Variants in UVRAG observed in about 807,000 individuals in gnomAD.
UVRAG encodes the protein UV radiation resistance-associated gene protein.
In UVRAG, 19 loss-of-function variants were observed where a neutral mutation model predicts 78.0. The ratio of observed to expected loss-of-function variants is 0.24; its 90% CI spans 0.17 to 0.36. UVRAG has a LOEUF of 0.36. UVRAG is among the 10% of genes least tolerant of loss of function. The pLI is 1.00. For synonymous variants in UVRAG, 323 were observed against 324.6 expected, an observed-to-expected ratio of 1.00 and a Z score of 0.05; for missense variants, 740 against 853.8, an observed-to-expected ratio of 0.87 and a Z score of 1.66.
chr11:75,832,141 A>G (rs1017793691), intron 1 of UVRAG, among the ~76,000 whole-genome samples: 2 of 152,204 alleles, frequency 1.3e-5, no homozygotes, highest in Admixed American at 6.5e-5. Context: ...TCCACTTACA[A>G]CACTTCTGAC....
At chr11:75,827,235 CT>C (rs1338819600) in intron 1 of UVRAG, among the ~76,000 whole-genome samples, 1 of 150,694 alleles carries the variant, frequency 6.6e-6, no homozygotes, top group Non-Finnish European at 1.5e-5. Context: ...AAATTTTATA[CT>C]CTTTAACATG....
Position 75,825,111 on chromosome 11 carries a change from C to CT in UVRAG, c.117+9601dup, listed in dbSNP as rs112517783. 7.9e-3 allele frequency among the ~76,000 whole-genome samples: 1,119 copies of CT among 141,420 alleles called. 9 individuals carry two copies. Among genetic ancestry groups the CT allele is most frequent in the African/African-American group, 0.023 (886 of 38,732 alleles). The allele number at this position is 141,420 out of a possible 152,430, so 92.8% of individuals were successfully genotyped here. A position where few individuals can be genotyped will look rare whatever the true frequency, so the allele number is the denominator to read the frequency against. On this transcript the variant is annotated intron_variant, in intron 1 of 14. Coordinates refer to ENST00000356136, the MANE Select transcript of UVRAG (RefSeq NM_003369.4). ...TTAGGTTTAATGACATAAGTAATGT[C>CT]TTTTTTTTTTTTTTGAGACAGCGTT...
intron 9 of UVRAG, among the ~76,000 whole-genome samples, chr11:76,004,882 T>C (rs889988845): frequency 2.0e-5 from 3 of 152,176 alleles, no homozygotes; most frequent in Non-Finnish European, 4.4e-5. Flanking sequence ...TTTTAGTCGC[T>C]CTCCCAACAT....
At chr11:76,098,649 G>A (rs1458266964) in intron 13 of UVRAG, among the ~76,000 whole-genome samples, 2 of 152,112 alleles carry the variant, frequency 1.3e-5, no homozygotes, top group Admixed American at 1.3e-4. Context: ...TTTGATGGGG[G>A]TAGTTTTGTA....
chr11:75,993,109 T>A (rs1218970876), intron 8 of UVRAG, among the ~76,000 whole-genome samples: 1 of 152,244 alleles, frequency 6.6e-6, no homozygotes, highest in Non-Finnish European at 1.5e-5. Flanking sequence ...ACTGTCTGCA[T>A]CTTTTTACAC....
intron 8 of UVRAG, among the ~76,000 whole-genome samples, chr11:76,000,048 G>A (rs1295615903): frequency 1.3e-5 from 2 of 152,006 alleles, no homozygotes; most frequent in Non-Finnish European, 2.9e-5. Flanking sequence ...TAAAAAATAA[G>A]CCAATAGTGA....
chr11:75,983,295 G>A, intron 7 of UVRAG, 92 bp from the exon 8 acceptor site: 1 of 1,188,208 alleles, frequency 8.4e-7, no homozygotes, highest in Non-Finnish European at 1.1e-6. Context: ...AATGTTTTAA[G>A]CCATTATTTA....
At chr11:75,883,097 T>A (rs1245021560) in intron 4 of UVRAG, among the ~76,000 whole-genome samples, 1 of 152,190 alleles carries the variant, frequency 6.6e-6, no homozygotes, top group Non-Finnish European at 1.5e-5. Flanking sequence ...TTGGATAGAC[T>A]CTGATATTAA....
chr11:76,013,672 C>T (rs988705676), intron 11 of UVRAG, among the ~76,000 whole-genome samples: 1 of 152,194 alleles, frequency 6.6e-6, no homozygotes, highest in Non-Finnish European at 1.5e-5. Flanking sequence ...AATGTGACAT[C>T]TGAGGTTGCA....
chr11:76,125,827 CTATTG>C (rs754756291), intron 14 of UVRAG, among the ~76,000 whole-genome samples: 78 of 152,228 alleles, frequency 5.1e-4, no homozygotes, highest in African/African-American at 1.8e-3. Context: ...AAAAAAATCA[CTATTG>C]TATTAGCCAG....
At chr11:75,987,426 A>G (rs1348041500) in intron 8 of UVRAG, among the ~76,000 whole-genome samples, 1 of 152,164 alleles carries the variant, frequency 6.6e-6, no homozygotes, top group Non-Finnish European at 1.5e-5. Flanking sequence ...AATAATTGTT[A>G]GATTGTTTTG....
At chr11:75,974,078 G>GA (rs1820516895) in intron 7 of UVRAG, among the ~76,000 whole-genome samples, 1 of 152,184 alleles carries the variant, frequency 6.6e-6, no homozygotes, top group South Asian at 2.1e-4. Context: ...CCAGTAACAG[G>GA]ATGGCTGGGC....
intron 8 of UVRAG, among the ~76,000 whole-genome samples, chr11:75,985,154 CT>C (rs796594987): frequency 0.08 from 10,304 of 128,520 alleles, 654 homozygotes; most frequent in African/African-American, 0.2. Flanking sequence ...AATTTCTTTT[CT>C]TTTTTTTTTT....
intron 1 of UVRAG, among the ~76,000 whole-genome samples, chr11:75,820,645 G>A (rs1045587357): frequency 2.0e-5 from 3 of 152,104 alleles, no homozygotes; most frequent in Non-Finnish European, 4.4e-5. Context: ...ATGAGCCACC[G>A]CACCCGGCCT....
At position 75,880,014 on chromosome 11, in the gene UVRAG, G is replaced by C. The variant is rs1263004642; in HGVS notation, c.406G>C (p.Asp136His). 2 of 1,614,162 alleles carry C rather than the reference G, an allele frequency of 1.2e-6. No homozygotes were observed. ...GTTGATTGAATGGAAAGTCTGTTTG[G>C]ATGGGCTGAAATACTTGGGTCAGCA... Reference protein sequence around the residue: ...QLLIEWKVCLDGLKYLGQQIH... With the variant: ...QLLIEWKVCLHGLKYLGQQIH... The change falls in exon 4 of 15, where the codon GAT (aspartate) becomes CAT (histidine). Residue 136 changes from aspartate to histidine, a missense_variant. Physicochemically the swap from Asp to His is moderately conservative, Grantham distance 81. Transcript: ENST00000356136.
intron 12 of UVRAG, among the ~76,000 whole-genome samples, chr11:76,060,484 C>A (rs912605325): frequency 3.5e-4 from 53 of 152,372 alleles, no homozygotes; most frequent in African/African-American, 1.2e-3. Flanking sequence ...GCCCTTCAGC[C>A]CACCGCTGCA....
chr11:75,955,539 C>T (rs543981844), intron 6 of UVRAG, among the ~76,000 whole-genome samples: 66 of 152,024 alleles, frequency 4.3e-4, no homozygotes, highest in African/African-American at 1.6e-3. Context: ...AGGTAAAATT[C>T]ACACACAGTG....
At chr11:76,007,687 C>G in intron 10 of UVRAG, 66 bp downstream of exon 10, 2 of 1,301,614 alleles carry the variant, frequency 1.5e-6, no homozygotes, top group Non-Finnish European at 2.2e-6. Context: ...GACATTTCCT[C>G]TCAATGAAAA....
intron 14 of UVRAG, among the ~76,000 whole-genome samples, chr11:76,134,490 A>G (rs1952567741): frequency 6.6e-6 from 1 of 152,042 alleles, no homozygotes; most frequent in African/African-American, 2.4e-5. Flanking sequence ...GAGGTGTGGG[A>G]AGGTAGGTGG....
Sources: allele counts gnomAD v4.1 joint callset (sites outside exome capture counted in the v4.1 genomes callset), GRCh38; gene constraint gnomAD v4.1.1; transcripts MANE v1.5; gene names NCBI Gene and HGNC (gene_info 2026-07-23, HGNC 2026-07-21).